Variants in TSPAN18 observed in about 807,000 individuals in gnomAD.
The protein encoded by TSPAN18 is tetraspanin-18.
Under a neutral mutation model 27.3 loss-of-function variants are expected in TSPAN18, and 14 were observed. That is an observed-to-expected ratio of 0.51 (90% CI 0.34 to 0.80). The LOEUF (loss-of-function observed/expected upper bound fraction) is 0.80, where lower values mean the gene tolerates loss of function less well. Ranked by LOEUF, TSPAN18 falls within the 30% of genes least tolerant of loss-of-function variation. The pLI is 0.01. For missense variants in TSPAN18, 268 were observed against 323.9 expected (o/e 0.83, Z 1.32); for synonymous variants, 143 against 136.5 (o/e 1.05, Z -0.33).
intron 2 of TSPAN18, among the ~76,000 whole-genome samples, chr11:44,849,695 G>A (rs1397908546): frequency 9.1e-5 from 11 of 121,090 alleles, no homozygotes. Flanking sequence ...AGCACCCAAA[G>A]CACCTGCACA....
At chr11:44,814,658 C>CCATCCATT (rs1300276968) in intron 2 of TSPAN18, among the ~76,000 whole-genome samples, 1 of 150,358 alleles carries the variant, frequency 6.7e-6, no homozygotes, top group Non-Finnish European at 1.5e-5. Context: ...TAGAATCCAT[C>CCATCCATT]CATCCATCCA....
chr11:44,854,342 T>C (rs1306696029), intron 2 of TSPAN18, among the ~76,000 whole-genome samples: 1 of 152,090 alleles, frequency 6.6e-6, no homozygotes, highest in Non-Finnish European at 1.5e-5. Context: ...GACCTAGGAC[T>C]GGGGCTGTGC....
intron 2 of TSPAN18, among the ~76,000 whole-genome samples, chr11:44,826,285 A>C (rs835831): frequency 6.6e-6 from 1 of 152,154 alleles, no homozygotes; most frequent in African/African-American, 2.4e-5. Flanking sequence ...TAGGCTGGGC[A>C]TTGTGGTGCA....
Position 44,762,474 on chromosome 11 carries a change from G to T in TSPAN18, c.-239-1952G>T, listed in dbSNP as rs538893617. Among the ~76,000 whole-genome samples the T allele has an allele frequency of 3.3e-5, 5 of 152,342 alleles. 1 individual carries two copies. Among genetic ancestry groups the T allele is most frequent in the African/African-American group, 1.2e-4 (5 of 41,586 alleles). ...GATTAGGTAGAATAAAGTCTAGAGG[G>T]TCTCACTCCAGAGCGTTTGCAGTGG... On this transcript the variant is annotated intron_variant, in intron 1 of 9. Transcript: ENST00000520358.
At chr11:44,822,541 C>A (rs771451617) in intron 2 of TSPAN18, among the ~76,000 whole-genome samples, 4 of 151,396 alleles carry the variant, frequency 2.6e-5, no homozygotes, top group African/African-American at 9.7e-5. Flanking sequence ...GTGACTTGGG[C>A]GTCACTTCCA....
chr11:44,919,297 C>T lies in TSPAN18; in HGVS notation c.417C>T (p.Asn139=), dbSNP rs769253459. The T allele has an allele frequency of 1.3e-5, 21 of 1,613,872 alleles. 1 individual carries two copies. The highest frequency in any genetic ancestry group is 1.1e-5 in the South Asian group (1 of 91,090). The change falls in exon 7 of 10, where the codon AAC becomes AAT. Residue 139 remains asparagine (N), a synonymous_variant. Coordinates refer to ENST00000520358, the MANE Select transcript of TSPAN18 (RefSeq NM_130783.5). The part of the protein sequence containing the change: ...NDTDVFSATW[N]SVMITFGCCG... ...CAGACGTCTTCTCTGCCACCTGGAA[C>T]TCGGTCATGATCACAGTGAGTGACG...
At position 44,909,771 on chromosome 11, in the gene TSPAN18, A is replaced by G. The variant is rs1227446404; in HGVS notation, c.130A>G (p.Ile44Val). The G allele has an allele frequency of 6.2e-7, 1 of 1,613,588 alleles. No homozygotes were observed. ...VMVDPTGFRE[I>V]VAANPLLLTG... is the part of the protein sequence containing the mutation. ...GGTGGACCCCACCGGCTTCCGGGAG[A>G]TCGTGGCTGCCAATCCTCTGCTCCT... Residue 44 changes from isoleucine (I) to valine (V), a missense_variant, in exon 5 of 10, where the codon ATC becomes GTC. Transcript: ENST00000520358.
At chr11:44,803,708 G>C (rs891690685) in intron 2 of TSPAN18, among the ~76,000 whole-genome samples, 1 of 152,154 alleles carries the variant, frequency 6.6e-6, no homozygotes, top group Admixed American at 6.5e-5. Flanking sequence ...TAGGACTTTG[G>C]AATGAATTGG....
At chr11:44,772,549 A>G (rs1190001191) in intron 2 of TSPAN18, among the ~76,000 whole-genome samples, 1 of 152,218 alleles carries the variant, frequency 6.6e-6, no homozygotes, top group Non-Finnish European at 1.5e-5. Flanking sequence ...CTGATATAAA[A>G]TGGAGTAGTA....
intron 2 of TSPAN18, among the ~76,000 whole-genome samples, chr11:44,830,935 A>G (rs1203764450): frequency 6.6e-6 from 1 of 152,150 alleles, no homozygotes; most frequent in Non-Finnish European, 1.5e-5. Flanking sequence ...TACCAAGCTA[A>G]TTCACACTTA....
rs1316491283 is a variant in TSPAN18, at chr11:44,727,195, C to T, written c.-332C>T. 5 of 151,110 alleles carry T rather than the reference C, an allele frequency of 3.3e-5. No individual in the cohort carries two copies. In the South Asian group the frequency reaches 5.5e-4, roughly 17 times the overall value. 9.4% of individuals were successfully genotyped at this position (151,110 alleles called of 1,614,324 possible). A position where few individuals can be genotyped will look rare whatever the true frequency, so the allele number is the denominator to read the frequency against. Reference sequence around the variant, plus strand: ...CCACCGCCGGGAAGGCAGCCGGCGCCGGGCAAGTTGCGAGCGCGCCCCTCC... The same window carrying T: ...CCACCGCCGGGAAGGCAGCCGGCGCTGGGCAAGTTGCGAGCGCGCCCCTCC... On this transcript the variant is annotated 5_prime_UTR_variant, in exon 1 of 10. Transcript: ENST00000520358.
chr11:44,730,663 G>T (rs562457075), intron 1 of TSPAN18, among the ~76,000 whole-genome samples: 1 of 148,700 alleles, frequency 6.7e-6, no homozygotes, highest in Non-Finnish European at 1.5e-5. Flanking sequence ...TTGCTCTGTC[G>T]CCCAGGCTGG....
chr11:44,872,102 T>G (rs1858212605), intron 3 of TSPAN18, among the ~76,000 whole-genome samples: 2 of 152,046 alleles, frequency 1.3e-5, no homozygotes, highest in South Asian at 2.1e-4. Flanking sequence ...AATTTTTTTT[T>G]GTATTTTTAG....
chr11:44,825,924 C>G (rs1857031715), intron 2 of TSPAN18, among the ~76,000 whole-genome samples: 1 of 152,138 alleles, frequency 6.6e-6, no homozygotes, highest in South Asian at 2.1e-4. Flanking sequence ...GTGTGGGTCC[C>G]CACTCTGTCC....
chr11:44,809,642 A>G (rs1330062768), intron 2 of TSPAN18, among the ~76,000 whole-genome samples: 4 of 116,044 alleles, frequency 3.4e-5, no homozygotes, highest in Non-Finnish European at 9.0e-5. Flanking sequence ...GTGTATCTCA[A>G]GAGGTGTGAT....
chr11:44,912,659 G>T (rs1475761151), intron 5 of TSPAN18, among the ~76,000 whole-genome samples: 1 of 152,110 alleles, frequency 6.6e-6, no homozygotes, highest in Non-Finnish European at 1.5e-5. Flanking sequence ...CATGTGTATG[G>T]GTACAGTGTG....
intron 1 of TSPAN18, among the ~76,000 whole-genome samples, chr11:44,744,845 A>C (rs1011327397): frequency 4.6e-5 from 7 of 152,210 alleles, no homozygotes; most frequent in African/African-American, 1.4e-4. Flanking sequence ...CCTGGATGGC[A>C]GACACTTTTC....
chr11:44,756,991 G>A (rs1211630250), intron 1 of TSPAN18, among the ~76,000 whole-genome samples: 1 of 151,974 alleles, frequency 6.6e-6, no homozygotes, highest in Admixed American at 6.6e-5. Context: ...TGTTTGCTGT[G>A]GGTTTTTCAT....
chr11:44,826,873 T>A (rs2135134087), intron 2 of TSPAN18, among the ~76,000 whole-genome samples: 1 of 152,300 alleles, frequency 6.6e-6, no homozygotes, highest in South Asian at 2.1e-4. Context: ...CTGTATAATG[T>A]CATTTCTCCT....
Sources: allele counts gnomAD v4.1 joint callset (sites outside exome capture counted in the v4.1 genomes callset), GRCh38; gene constraint gnomAD v4.1.1; transcripts MANE v1.5; gene names NCBI Gene and HGNC (gene_info 2026-07-23, HGNC 2026-07-21).